PDE4D: variants seen among roughly 807,000 people sequenced by gnomAD.
The protein encoded by PDE4D is 3',5'-cyclic-AMP phosphodiesterase 4D.
Under a neutral mutation model 87.4 loss-of-function variants are expected in PDE4D, and 24 were observed. The observed-to-expected ratio is 0.27, with a 90% CI of 0.20 to 0.39. The LOEUF is 0.39. PDE4D is among the 10% of genes least tolerant of loss of function. The pLI is 1.00. For synonymous variants in PDE4D, 384 were observed against 383.2 expected, an observed-to-expected ratio of 1.00 and a Z score of -0.02; for missense variants, 714 against 1,041.0, an observed-to-expected ratio of 0.69 and a Z score of 4.32.
At chr5:59,595,519 G>A (rs1027809287) in intron 1 of PDE4D, among the ~76,000 whole-genome samples, 17 of 152,052 alleles carry the variant, frequency 1.1e-4, no homozygotes, top group Non-Finnish European at 2.4e-4. Flanking sequence ...ATATTTCACC[G>A]ACCTCTGAAT....
intron 1 of PDE4D, among the ~76,000 whole-genome samples, chr5:59,579,669 C>T (rs757128923): frequency 2.0e-5 from 3 of 152,124 alleles, no homozygotes; most frequent in Non-Finnish European, 4.4e-5. Context: ...AACAATGCCC[C>T]GCAGAGATGG....
intron 1 of PDE4D, among the ~76,000 whole-genome samples, chr5:59,230,286 C>G (rs968496626): frequency 5.3e-5 from 8 of 152,016 alleles, no homozygotes; most frequent in African/African-American, 1.9e-4. Context: ...TGAGTGTCAC[C>G]TAGTCCTGGG....
chr5:60,406,018 CT>C (rs142735398), intron 1 of PDE4D, among the ~76,000 whole-genome samples: 15,386 of 150,382 alleles, frequency 0.1, 961 homozygotes, highest in African/African-American at 0.18. Context: ...TCATCTTGCA[CT>C]TTTTTTTTTC....
intron 1 of PDE4D, among the ~76,000 whole-genome samples, chr5:59,572,822 C>T (rs2153696336): frequency 6.6e-6 from 1 of 152,204 alleles, no homozygotes; most frequent in East Asian, 1.9e-4. Context: ...TTACAATTTT[C>T]AAAGAACTTT....
At chr5:59,790,746 T>C (rs888214582) in intron 1 of PDE4D, among the ~76,000 whole-genome samples, 1 of 152,210 alleles carries the variant, frequency 6.6e-6, no homozygotes, top group Non-Finnish European at 1.5e-5. Context: ...CTTTATTGTT[T>C]CTCTAATTGA....
intron 1 of PDE4D, among the ~76,000 whole-genome samples, chr5:60,472,692 A>C (rs1315660591): frequency 2.6e-5 from 4 of 152,222 alleles, no homozygotes; most frequent in African/African-American, 9.6e-5. Context: ...CCTAGGCTAC[A>C]AATGGTCTCT....
At chr5:59,671,739 T>C (rs1441987535) in intron 1 of PDE4D, among the ~76,000 whole-genome samples, 1 of 147,406 alleles carries the variant, frequency 6.8e-6, no homozygotes, top group African/African-American at 2.5e-5. Flanking sequence ...GCCCAGCAAG[T>C]AGAGGCTGCA....
chr5:59,910,292 T>C (rs1753302664), intron 3 of PDE4D, among the ~76,000 whole-genome samples: 1 of 152,156 alleles, frequency 6.6e-6, no homozygotes, highest in African/African-American at 2.4e-5. Flanking sequence ...AGACAATGAA[T>C]AAATAATTTT....
At chr5:59,106,225 C>A (rs1446155142) in intron 5 of PDE4D, among the ~76,000 whole-genome samples, 1 of 152,114 alleles carries the variant, frequency 6.6e-6, no homozygotes, top group African/African-American at 2.4e-5. Context: ...TGTGAACTAC[C>A]TAAGGGCTCA....
At chr5:59,098,056 A>G (rs756440633) in intron 5 of PDE4D, among the ~76,000 whole-genome samples, 1 of 152,156 alleles carries the variant, frequency 6.6e-6, no homozygotes, top group Non-Finnish European at 1.5e-5. Context: ...AACTTCCAAT[A>G]TTTTTTAAAT....
intron 1 of PDE4D, among the ~76,000 whole-genome samples, chr5:59,555,103 A>G (rs1306508692): frequency 6.6e-6 from 1 of 152,220 alleles, no homozygotes; most frequent in Non-Finnish European, 1.5e-5. Context: ...AATCAACCTA[A>G]ATGCCCATCA....
chr5:59,128,520 T>C (rs975763228), intron 5 of PDE4D, among the ~76,000 whole-genome samples: 4 of 152,162 alleles, frequency 2.6e-5, no homozygotes, highest in Non-Finnish European at 5.9e-5. Flanking sequence ...ACTTTCTCCA[T>C]TTACAGTGGA....
At chr5:59,646,490 T>C (rs962838422) in intron 1 of PDE4D, among the ~76,000 whole-genome samples, 5 of 152,232 alleles carry the variant, frequency 3.3e-5, no homozygotes, top group African/African-American at 1.2e-4. Context: ...TTTTTCTTGA[T>C]TACACTAAAA....
Position 59,224,302 on chromosome 5 carries a change from A to ACG in PDE4D, c.456-8335_456-8334insCG, listed in dbSNP as rs1334162346. ...GTCATACACACACACATACACACAC[A>ACG]CACACACACACACACACACACACAC... On this transcript the variant is annotated intron_variant, in intron 1 of 14. Transcript: ENST00000340635. Among the ~76,000 whole-genome samples the ACG allele has an allele frequency of 1.8e-3, 267 of 150,708 alleles. 2 individuals carry two copies. The highest frequency in any genetic ancestry group is 2.5e-3 in the Non-Finnish European group (172 of 67,668).
At chr5:59,530,534 T>C (rs926258648) in intron 1 of PDE4D, among the ~76,000 whole-genome samples, 10 of 152,164 alleles carry the variant, frequency 6.6e-5, no homozygotes, top group Admixed American at 6.5e-5. Flanking sequence ...GTTATGTCAA[T>C]AGTTATTATG....
At chr5:59,090,304 A>C (rs1355905861) in intron 5 of PDE4D, among the ~76,000 whole-genome samples, 1 of 152,146 alleles carries the variant, frequency 6.6e-6, no homozygotes, top group African/African-American at 2.4e-5. Flanking sequence ...ATAAAATTTT[A>C]CACCATGTCT....
intron 1 of PDE4D, among the ~76,000 whole-genome samples, chr5:60,278,524 T>C (rs1055794757): frequency 1.3e-5 from 2 of 152,162 alleles, no homozygotes; most frequent in African/African-American, 4.8e-5. Flanking sequence ...TCTGATGACA[T>C]GAATGCTAGA....
At chr5:60,064,542 C>G (rs1474307150) in intron 2 of PDE4D, among the ~76,000 whole-genome samples, 3 of 152,030 alleles carry the variant, frequency 2.0e-5, no homozygotes, top group Admixed American at 1.3e-4. Flanking sequence ...TATTTTGCAC[C>G]CTTCCACTTA....
intron 1 of PDE4D, among the ~76,000 whole-genome samples, chr5:60,467,324 C>G (rs1467858148): frequency 6.6e-6 from 1 of 152,186 alleles, no homozygotes; most frequent in Non-Finnish European, 1.5e-5. Flanking sequence ...AGGCATGAGC[C>G]ACCAGGCCCA....
Sources: gnomAD v4.1 joint callset for allele counts (sites outside exome capture counted in the v4.1 genomes callset) on GRCh38, gnomAD v4.1.1 for gene constraint, MANE v1.5 for transcripts, NCBI Gene and HGNC (gene_info 2026-07-23, HGNC 2026-07-21) for gene names.